The following PLCL1 variants were observed in gnomAD, a reference collection of about 807,000 sequenced individuals.
The protein encoded by PLCL1 is inactive phospholipase C-like protein 1.
PLCL1 carries 41 observed loss-of-function variants against 84.4 expected under a neutral mutation model. The ratio of observed to expected loss-of-function variants is 0.49; its 90% CI spans 0.38 to 0.63. The LOEUF (loss-of-function observed/expected upper bound fraction) is 0.63. PLCL1 is among the 30% of genes least tolerant of loss of function. The probability of loss-of-function intolerance (pLI) is 0.00; values close to 1 mark genes in which losing one functional copy is unlikely to be tolerated. For missense variants in PLCL1, 1,206 were observed against 1,367.8 expected, an observed-to-expected ratio of 0.88 and a Z score of 1.87; for synonymous variants, 490 against 488.3, an observed-to-expected ratio of 1.00 and a Z score of -0.05.
intron 1 of PLCL1, among the ~76,000 whole-genome samples, chr2:198,011,531 A>C (rs1012037706): frequency 1.3e-5 from 2 of 152,052 alleles, no homozygotes; most frequent in Non-Finnish European, 2.9e-5. Context: ...GTGGCCTAAC[A>C]TGTGGTCTAT....
chr2:198,006,036 A>G (rs779996371), intron 1 of PLCL1, among the ~76,000 whole-genome samples: 6 of 152,228 alleles, frequency 3.9e-5, no homozygotes, highest in Admixed American at 3.9e-4. Context: ...TAATATATTC[A>G]GAGATGATTC....
At chr2:197,929,983 G>A (rs1307229168) in intron 1 of PLCL1, among the ~76,000 whole-genome samples, 1 of 152,144 alleles carries the variant, frequency 6.6e-6, no homozygotes, top group Non-Finnish European at 1.5e-5. Context: ...GTCTCACTGA[G>A]TATCAAATAG....
chr2:197,821,218 T>C (rs937800681), intron 1 of PLCL1, among the ~76,000 whole-genome samples: 3 of 152,152 alleles, frequency 2.0e-5, no homozygotes, highest in Non-Finnish European at 2.9e-5. Flanking sequence ...TTGTTTGCTT[T>C]AGATAGTTGG....
intron 1 of PLCL1, among the ~76,000 whole-genome samples, chr2:197,887,004 C>T (rs1327490189): frequency 1.3e-5 from 2 of 152,070 alleles, no homozygotes; most frequent in African/African-American, 2.4e-5. Flanking sequence ...TTGAGTATAG[C>T]CATGCAAAGA....
intron 1 of PLCL1, among the ~76,000 whole-genome samples, chr2:198,059,301 T>C (rs190609028): frequency 1.3e-5 from 2 of 152,280 alleles, no homozygotes; most frequent in East Asian, 3.9e-4. Flanking sequence ...TTAGAGCATA[T>C]AAAAAGAAAT....
intron 1 of PLCL1, among the ~76,000 whole-genome samples, chr2:197,820,851 T>C (rs1690801051): frequency 6.6e-6 from 1 of 152,142 alleles, no homozygotes; most frequent in Non-Finnish European, 1.5e-5. Flanking sequence ...AATTTGCTTT[T>C]TTACAAGCTA....
chr2:198,079,795 T>G (rs1692664639), intron 1 of PLCL1, among the ~76,000 whole-genome samples: 1 of 152,226 alleles, frequency 6.6e-6, no homozygotes, highest in African/African-American at 2.4e-5. Context: ...ATTTGGAGAC[T>G]TATGCATAGA....
Position 197,903,802 on chromosome 2 carries a change from C to CTTT in PLCL1, c.240+98478_240+98480dup, listed in dbSNP as rs1232211481. Among the ~76,000 whole-genome samples the CTTT allele has an allele frequency of 1.2e-3, 129 of 104,518 alleles. 1 individual carries two copies. Among genetic ancestry groups the CTTT allele is most frequent in the African/African-American group, 4.3e-3 (118 of 27,316 alleles). 68.6% of individuals were successfully genotyped at this position (104,518 alleles called of 152,430 possible). Reference sequence around the variant, plus strand: ...ACAGGCGTGAGCCACAGTGCCCGGCCTTTTTTTTTTTTTTTTTGAGACAAA... The same window carrying CTTT: ...ACAGGCGTGAGCCACAGTGCCCGGCCTTTTTTTTTTTTTTTTTTTTGAGACAAA... On this transcript the variant is annotated intron_variant, in intron 1 of 5. Coordinates refer to ENST00000428675, the MANE Select transcript of PLCL1 (RefSeq NM_006226.4).
intron 1 of PLCL1, among the ~76,000 whole-genome samples, chr2:197,923,260 C>G (rs1241576581): frequency 1.1e-4 from 15 of 140,238 alleles, no homozygotes; most frequent in African/African-American, 4.2e-4. Context: ...GGGGGCTGAC[C>G]CCCCCCACCT....
At chr2:197,924,237 G>C (rs1441142578) in intron 1 of PLCL1, among the ~76,000 whole-genome samples, 4 of 151,598 alleles carry the variant, frequency 2.6e-5, no homozygotes, top group Non-Finnish European at 5.9e-5. Flanking sequence ...CTTTACCCTA[G>C]CCGTAGGCCT....
At chr2:197,932,965 CAAT>C (rs1174118758) in intron 1 of PLCL1, among the ~76,000 whole-genome samples, 2 of 152,152 alleles carry the variant, frequency 1.3e-5, no homozygotes, top group African/African-American at 4.8e-5. Flanking sequence ...TCAACAAAAA[CAAT>C]AAGTTAGAAT....
At chr2:197,845,672 C>T (rs2105674728) in intron 1 of PLCL1, among the ~76,000 whole-genome samples, 1 of 152,184 alleles carries the variant, frequency 6.6e-6, no homozygotes, top group South Asian at 2.1e-4. Flanking sequence ...CTCTGATTAC[C>T]TTTCCTCCCC....
intron 5 of PLCL1, among the ~76,000 whole-genome samples, chr2:198,127,017 GT>G (rs77244719): frequency 0.68 from 99,195 of 145,250 alleles, 33,925 homozygotes; most frequent in East Asian, 0.93. Flanking sequence ...TGTGTGGGGG[GT>G]GGTGTATTCT....
At chr2:197,997,924 A>G (rs1260269725) in intron 1 of PLCL1, among the ~76,000 whole-genome samples, 1 of 152,154 alleles carries the variant, frequency 6.6e-6, no homozygotes. Flanking sequence ...ATTGAGGATT[A>G]TTGTTTTATG....
intron 1 of PLCL1, among the ~76,000 whole-genome samples, chr2:197,831,312 A>C (rs1691054887): frequency 3.9e-5 from 6 of 152,214 alleles, no homozygotes; most frequent in African/African-American, 1.4e-4. Flanking sequence ...CAAAATAAAG[A>C]GATGGAGGAA....
intron 1 of PLCL1, among the ~76,000 whole-genome samples, chr2:197,905,901 A>G (rs1392923794): frequency 1.3e-5 from 2 of 151,902 alleles, no homozygotes; most frequent in African/African-American, 4.8e-5. Flanking sequence ...TCCTTCACCT[A>G]CTTTTTGATG....
chr2:197,942,645 A>G (rs1215497684), intron 1 of PLCL1, among the ~76,000 whole-genome samples: 9 of 152,214 alleles, frequency 5.9e-5, no homozygotes. Flanking sequence ...GGACGCATGA[A>G]TTTTATCTTT....
intron 1 of PLCL1, among the ~76,000 whole-genome samples, chr2:197,967,252 A>G (rs1464420771): frequency 1.3e-5 from 2 of 152,124 alleles, no homozygotes; most frequent in South Asian, 2.1e-4. Flanking sequence ...GCTGAAGTGC[A>G]GTGGCATAAT....
At chr2:197,857,662 T>C (rs1687355216) in intron 1 of PLCL1, among the ~76,000 whole-genome samples, 1 of 152,126 alleles carries the variant, frequency 6.6e-6, no homozygotes, top group Non-Finnish European at 1.5e-5. Context: ...TGAGCAGTGA[T>C]GGGTCTAGCT....
Sources: gnomAD v4.1 joint callset for allele counts (sites outside exome capture counted in the v4.1 genomes callset) on GRCh38, gnomAD v4.1.1 for gene constraint, MANE v1.5 for transcripts, NCBI Gene and HGNC (gene_info 2026-07-23, HGNC 2026-07-21) for gene names.